Variants in GPM6A observed in about 807,000 individuals in gnomAD.
GPM6A encodes neuronal membrane glycoprotein M6-a.
Under a neutral mutation model 32.1 loss-of-function variants are expected in GPM6A, and 7 were observed. The observed-to-expected ratio is 0.22, with a 90% CI of 0.12 to 0.41. The LOEUF (loss-of-function observed/expected upper bound fraction) is 0.41. Ranked by LOEUF, GPM6A falls within the 10% of genes least tolerant of loss-of-function variation. The pLI is 1.00. For synonymous variants in GPM6A, 130 were observed against 123.4 expected, an observed-to-expected ratio of 1.05 and a Z score of -0.35; for missense variants, 235 against 347.2, an observed-to-expected ratio of 0.68 and a Z score of 2.57.
intron 1 of GPM6A, among the ~76,000 whole-genome samples, chr4:175,976,180 G>A (rs1187232334): frequency 7.2e-6 from 1 of 139,860 alleles, no homozygotes; most frequent in Non-Finnish European, 1.5e-5. Context: ...TTTTTCTTGA[G>A]ACGGAGTCTT....
At chr4:175,986,938 T>G (rs1740993616) in intron 1 of GPM6A, among the ~76,000 whole-genome samples, 2 of 152,202 alleles carry the variant, frequency 1.3e-5, no homozygotes, top group African/African-American at 4.8e-5. Context: ...ACTACTCCTC[T>G]GGCTAGAAGG....
intron 1 of GPM6A, among the ~76,000 whole-genome samples, chr4:175,843,016 C>G (rs1288299515): frequency 6.6e-6 from 1 of 150,656 alleles, no homozygotes; most frequent in Non-Finnish European, 1.5e-5. Flanking sequence ...TCTGTATAAA[C>G]ACATTACATA....
intron 4 of GPM6A, among the ~76,000 whole-genome samples, chr4:175,649,637 A>G (rs11732917): frequency 0.037 from 5,562 of 152,246 alleles, 139 homozygotes; most frequent in Middle Eastern, 0.085. Flanking sequence ...ATAAACCATC[A>G]CATACAAGAG....
chr4:175,829,389 A>G (rs1560954770), intron 1 of GPM6A, among the ~76,000 whole-genome samples: 2 of 151,962 alleles, frequency 1.3e-5, no homozygotes, highest in East Asian at 1.9e-4. Flanking sequence ...AAAAAATACA[A>G]CTCTCTATTT....
At position 175,689,088 on chromosome 4, in the gene GPM6A, C is replaced by T. The variant is rs151192728; in HGVS notation, c.230+12487G>A. Among the ~76,000 whole-genome samples, 9 of 152,246 alleles carry T rather than the reference C, an allele frequency of 5.9e-5. No homozygotes were observed. In the East Asian group the frequency reaches 1.7e-3, roughly 29 times the overall value. On this transcript the variant is annotated intron_variant, in intron 2 of 6. Coordinates refer to ENST00000393658, the MANE Select transcript of GPM6A (RefSeq NM_201591.3). Reference sequence around the variant, plus strand: ...GGATTACAGTCATGAGCCACAATGCCTGGCCAAGATTGTTTTGATTACTGT... The same window carrying T: ...GGATTACAGTCATGAGCCACAATGCTTGGCCAAGATTGTTTTGATTACTGT...
At chr4:175,748,944 A>G (rs1732210867) in intron 1 of GPM6A, among the ~76,000 whole-genome samples, 1 of 152,136 alleles carries the variant, frequency 6.6e-6, no homozygotes, top group Non-Finnish European at 1.5e-5. Flanking sequence ...TTTTTATGGA[A>G]ATAGCTTCTT....
chr4:175,662,251 A>G (rs1256307541), intron 3 of GPM6A, among the ~76,000 whole-genome samples: 1 of 152,082 alleles, frequency 6.6e-6, no homozygotes, highest in Non-Finnish European at 1.5e-5. Context: ...TCTTGCCTGC[A>G]TACCACCTCG....
intron 1 of GPM6A, among the ~76,000 whole-genome samples, chr4:175,718,816 T>G (rs1745972770): frequency 6.6e-6 from 1 of 152,124 alleles, no homozygotes; most frequent in African/African-American, 2.4e-5. Flanking sequence ...TGGAGCATAC[T>G]TAAAATACAG....
chr4:175,678,985 G>A (rs182262096), intron 2 of GPM6A, among the ~76,000 whole-genome samples: 1 of 152,216 alleles, frequency 6.6e-6, no homozygotes, highest in Non-Finnish European at 1.5e-5. Context: ...CATCTTCACA[G>A]TGTATAGTTA....
intron 1 of GPM6A, among the ~76,000 whole-genome samples, chr4:175,766,493 A>G (rs1732972441): frequency 1.3e-5 from 2 of 152,104 alleles, no homozygotes; most frequent in Admixed American, 6.5e-5. Flanking sequence ...TTTGATCACT[A>G]GCTTCATTTT....
intron 1 of GPM6A, among the ~76,000 whole-genome samples, chr4:175,946,103 A>G (rs529864158): frequency 7.0e-4 from 106 of 152,294 alleles, no homozygotes; most frequent in Admixed American, 1.1e-3. Context: ...ACGTAACAAA[A>G]CAGTACTTGT....
intron 1 of GPM6A, among the ~76,000 whole-genome samples, chr4:175,765,018 T>G (rs1732906279): frequency 6.6e-6 from 1 of 151,828 alleles, no homozygotes; most frequent in African/African-American, 2.4e-5. Context: ...GGATTACAGG[T>G]GCACACCACC....
intron 1 of GPM6A, among the ~76,000 whole-genome samples, chr4:175,745,237 C>A (rs2581754): frequency 1.3e-5 from 2 of 151,926 alleles, no homozygotes; most frequent in East Asian, 3.9e-4. Flanking sequence ...TTTTAAACAT[C>A]GCCTAAGACT....
intron 3 of GPM6A, among the ~76,000 whole-genome samples, chr4:175,668,547 T>A (rs1174751703): frequency 5.1e-5 from 1 of 19,748 alleles, no homozygotes; most frequent in African/African-American, 6.4e-5. Context: ...GTGTGTTTAT[T>A]TTAAAAGGCA....
At chr4:175,748,324 C>T (rs1037683970) in intron 1 of GPM6A, among the ~76,000 whole-genome samples, 21 of 152,138 alleles carry the variant, frequency 1.4e-4, no homozygotes, top group South Asian at 2.1e-4. Flanking sequence ...TCTCTACCTA[C>T]GGCAACTAGT....
intron 1 of GPM6A, among the ~76,000 whole-genome samples, chr4:175,736,222 C>T (rs894082193): frequency 6.6e-6 from 1 of 151,946 alleles, no homozygotes; most frequent in Admixed American, 6.6e-5. Flanking sequence ...TGCTATGTTG[C>T]TCAGGCTGGT....
At chr4:175,838,641 T>C (rs1051316882) in intron 1 of GPM6A, among the ~76,000 whole-genome samples, 9 of 133,832 alleles carry the variant, frequency 6.7e-5, no homozygotes, top group Non-Finnish European at 3.1e-5. Flanking sequence ...TTTCTAGCAG[T>C]GAATTTTTTT....
At chr4:175,905,718 G>A (rs1210560967) in intron 1 of GPM6A, among the ~76,000 whole-genome samples, 1 of 152,058 alleles carries the variant, frequency 6.6e-6, no homozygotes, top group Non-Finnish European at 1.5e-5. Flanking sequence ...ATCCCTTTCA[G>A]TATATATTTT....
At chr4:175,690,031 T>C (rs1274604051) in intron 2 of GPM6A, among the ~76,000 whole-genome samples, 1 of 152,218 alleles carries the variant, frequency 6.6e-6, no homozygotes, top group African/African-American at 2.4e-5. Flanking sequence ...AACATGGCTG[T>C]TACGGGCTTT....
Sources: gnomAD v4.1 joint callset for allele counts (sites outside exome capture counted in the v4.1 genomes callset) on GRCh38, gnomAD v4.1.1 for gene constraint, MANE v1.5 for transcripts, NCBI Gene and HGNC (gene_info 2026-07-23, HGNC 2026-07-21) for gene names.